The following DPH6 variants were observed in gnomAD, a reference collection of about 807,000 sequenced individuals.
DPH6 encodes diphthamine biosynthesis 6, also known as diphthine--ammonia ligase.
Under a neutral mutation model 38.2 loss-of-function variants are expected in DPH6, and 33 were observed. The observed-to-expected ratio is 0.86, with a 90% confidence interval of 0.65 to 1.15. The LOEUF (loss-of-function observed/expected upper bound fraction) is 1.15, where lower values mean the gene tolerates loss of function less well. Among genes scored for constraint, DPH6 ranks in the 50% most tolerant of loss-of-function variants. DPH6 has a pLI of 0.00. For synonymous variants in DPH6, 108 were observed against 103.0 expected (o/e 1.05, Z -0.30); for missense variants, 325 against 320.0 (o/e 1.02, Z -0.12).
At chr15:35,530,986 G>T (rs564508527) in intron 3 of DPH6, among the ~76,000 whole-genome samples, 1 of 152,246 alleles carries the variant, frequency 6.6e-6, no homozygotes, top group East Asian at 1.9e-4. Context: ...AACTGAAAGG[G>T]CTTGAGGCAA....
intron 3 of DPH6, chr15:35,298,969 A>G (rs554317942): frequency 2.6e-6 from 2 of 768,284 alleles, no homozygotes; most frequent in African/African-American, 3.4e-5. Flanking sequence ...TCTCGCTCCT[A>G]ATCTTCATCT....
In DPH6 at chr15:35,237,474, C is replaced by T. The variant is rs374929705; in HGVS notation, n.201-16892G>A. 7.8e-4 allele frequency: 1,231 copies of T among 1,584,954 alleles called. 18 individuals carry two copies. The South Asian group carries it at 0.013, about 16-fold the overall frequency. ...GAATAACTGGAATTCTTCAGTGCAA[C>T]CAACGTAGGCCTCACCTCAACTGCA... is the stretch of plus-strand genomic sequence containing the variant. On this transcript the variant is annotated intron_variant and non_coding_transcript_variant, in intron 3 of 3. Transcript: ENST00000560386.
chr15:35,394,134 T>C (rs1044171333), intron 6 of DPH6, among the ~76,000 whole-genome samples: 2 of 152,188 alleles, frequency 1.3e-5, no homozygotes, highest in African/African-American at 2.4e-5. Flanking sequence ...ATCTAGAATA[T>C]GTTCTTCTCT....
intron 3 of DPH6, among the ~76,000 whole-genome samples, chr15:35,457,126 TC>T (rs2054007134): frequency 6.6e-6 from 1 of 151,946 alleles, no homozygotes; most frequent in Non-Finnish European, 1.5e-5. Flanking sequence ...GCTATTTTTT[TC>T]TATTTTTAGT....
At chr15:35,418,497 C>T (rs1164592843) in intron 5 of DPH6, among the ~76,000 whole-genome samples, 1 of 151,962 alleles carries the variant, frequency 6.6e-6, no homozygotes, top group East Asian at 1.9e-4. Context: ...ACTCACAAGA[C>T]CTAGGCACTG....
chr15:35,237,559 G>T, intron 3 of DPH6: 2 of 1,553,020 alleles, frequency 1.3e-6, no homozygotes, highest in Non-Finnish European at 1.8e-6. Context: ...GAGTCTCGGG[G>T]GGCGTGGAAG....
chr15:35,447,821 A>G (rs1216461644), intron 5 of DPH6, among the ~76,000 whole-genome samples: 3 of 152,192 alleles, frequency 2.0e-5, no homozygotes, highest in Admixed American at 2.0e-4. Context: ...AATCTACGAA[A>G]TGGGAAAGAT....
chr15:35,320,593 CAG>C (rs2052232017), intron 3 of DPH6, among the ~76,000 whole-genome samples: 1 of 152,204 alleles, frequency 6.6e-6, no homozygotes, highest in Admixed American at 6.5e-5. Flanking sequence ...TTCCCAGACA[CAG>C]CCTATTCCTT....
chr15:35,152,111 G>T, the DPH6 span, among the ~76,000 whole-genome samples: 3 of 152,148 alleles, frequency 2.0e-5, no homozygotes, highest in Admixed American at 6.5e-5. Context: ...TTATTTAGAA[G>T]TTTAGTAACG....
chr15:35,145,588 G>C, the DPH6 span, among the ~76,000 whole-genome samples: 1 of 152,150 alleles, frequency 6.6e-6, no homozygotes, highest in East Asian at 1.9e-4. Flanking sequence ...AATGTTCCCT[G>C]TTCCTGTCTA....
chr15:35,156,446 C>A, the DPH6 span, among the ~76,000 whole-genome samples: 3 of 152,202 alleles, frequency 2.0e-5, no homozygotes, highest in Admixed American at 2.0e-4. Context: ...AATGCCACTA[C>A]TGAACCTTCA....
intron 3 of DPH6, among the ~76,000 whole-genome samples, chr15:35,505,227 A>C (rs1023301099): frequency 6.6e-6 from 1 of 152,124 alleles, no homozygotes; most frequent in Non-Finnish European, 1.5e-5. Flanking sequence ...TTGTAAGTGT[A>C]AAGATAAACT....
chr15:35,288,769 CTTG>C (rs746685366), intron 3 of DPH6, among the ~76,000 whole-genome samples: 2 of 152,122 alleles, frequency 1.3e-5, no homozygotes, highest in Non-Finnish European at 2.9e-5. Context: ...ATCAGGAGAG[CTTG>C]TTGTTCTGCT....
At chr15:35,362,895 C>T (rs1219774210) in intron 3 of DPH6, among the ~76,000 whole-genome samples, 1 of 152,052 alleles carries the variant, frequency 6.6e-6, no homozygotes, top group Non-Finnish European at 1.5e-5. Flanking sequence ...ACTGTTGTCC[C>T]CATGGGGAAA....
At chr15:35,193,808 G>A in the DPH6 span, among the ~76,000 whole-genome samples, 1 of 152,158 alleles carries the variant, frequency 6.6e-6, no homozygotes, top group Non-Finnish European at 1.5e-5. Context: ...ATATGTGACT[G>A]AGACAATGAC....
At chr15:35,527,591 T>C (rs1402387402) in intron 3 of DPH6, among the ~76,000 whole-genome samples, 1 of 152,072 alleles carries the variant, frequency 6.6e-6, no homozygotes, top group Admixed American at 6.6e-5. Flanking sequence ...AAGGAAGATA[T>C]TATATTCAGT....
intron 3 of DPH6, among the ~76,000 whole-genome samples, chr15:35,240,839 A>C (rs955709728): frequency 7.0e-6 from 1 of 143,562 alleles, no homozygotes; most frequent in African/African-American, 2.5e-5. Context: ...ATAAAACTCC[A>C]AAAATTAAAT....
At chr15:35,183,218 C>T in the DPH6 span, among the ~76,000 whole-genome samples, 2 of 152,282 alleles carry the variant, frequency 1.3e-5, no homozygotes, top group East Asian at 3.9e-4. Context: ...AAACAGTAAG[C>T]ATAGTAAGAA....
chr15:35,346,961 C>T (rs1247836608), intron 3 of DPH6, among the ~76,000 whole-genome samples: 3 of 151,918 alleles, frequency 2.0e-5, no homozygotes, highest in Non-Finnish European at 2.9e-5. Flanking sequence ...AAAATTTACC[C>T]TTTAAAAAAA....
Sources: gnomAD v4.1 joint callset for allele counts (sites outside exome capture counted in the v4.1 genomes callset) on GRCh38, gnomAD v4.1.1 for gene constraint, MANE v1.5 for transcripts, NCBI Gene and HGNC (gene_info 2026-07-23, HGNC 2026-07-21) for gene names.